Variants in DNAH3 observed in about 807,000 individuals in gnomAD.
The protein encoded by DNAH3 is dynein axonemal heavy chain 3.
Under a neutral mutation model 432.5 loss-of-function variants are expected in DNAH3, and 332 were observed. The ratio of observed to expected loss-of-function variants is 0.77; its 90% CI spans 0.70 to 0.84. The LOEUF is 0.84. Ranked by LOEUF, DNAH3 falls within the 40% of genes least tolerant of loss-of-function variation. The probability of loss-of-function intolerance (pLI) is 0.00; values close to 1 mark genes in which losing one functional copy is unlikely to be tolerated. For missense variants in DNAH3, 4,861 were observed against 5,114.0 expected, an observed-to-expected ratio of 0.95 and a Z score of 1.51; for synonymous variants, 1,956 against 1,900.2, an observed-to-expected ratio of 1.03 and a Z score of -0.76.
intron 56 of DNAH3, among the ~76,000 whole-genome samples, chr16:20,949,727 T>C (rs1005698274): frequency 6.6e-6 from 1 of 152,186 alleles, no homozygotes; most frequent in East Asian, 1.9e-4. Flanking sequence ...GCTGGAAATG[T>C]AGAGTGGGCA....
intron 31 of DNAH3, among the ~76,000 whole-genome samples, chr16:21,047,513 GT>G (rs1294809264): frequency 1.3e-5 from 2 of 151,976 alleles, no homozygotes; most frequent in Admixed American, 6.6e-5. Context: ...TCTAGCCTTG[GT>G]TTTCAGCTCC....
chr16:21,055,525 T>C (rs556672561), intron 27 of DNAH3, among the ~76,000 whole-genome samples: 1 of 152,214 alleles, frequency 6.6e-6, no homozygotes, highest in African/African-American at 2.4e-5. Flanking sequence ...TGGAAATTCT[T>C]TGTATTATAT....
At chr16:21,108,131 C>T (rs992989590) in intron 14 of DNAH3, among the ~76,000 whole-genome samples, 2 of 152,142 alleles carry the variant, frequency 1.3e-5, no homozygotes, top group African/African-American at 2.4e-5. Flanking sequence ...CTCGGCCTCC[C>T]AAAGTGCTGG....
chr16:20,984,458 A>G (rs1013332881), intron 48 of DNAH3, among the ~76,000 whole-genome samples: 1 of 152,142 alleles, frequency 6.6e-6, no homozygotes. Context: ...ACTAAACACA[A>G]TTGCTAGGTT....
At chr16:21,061,802 G>A (rs891901128) in intron 25 of DNAH3, among the ~76,000 whole-genome samples, 2 of 152,106 alleles carry the variant, frequency 1.3e-5, no homozygotes, top group African/African-American at 4.8e-5. Context: ...AACTCCATAG[G>A]GAAATTCAAA....
chr16:21,002,425 C>A (rs1209998771), intron 42 of DNAH3, among the ~76,000 whole-genome samples: 3 of 147,210 alleles, frequency 2.0e-5, no homozygotes, highest in African/African-American at 7.6e-5. Context: ...GAGAAGCACA[C>A]TGATGACTAT....
intron 28 of DNAH3, among the ~76,000 whole-genome samples, 191 bp from the exon 29 acceptor site, chr16:21,052,059 T>C (rs548874420): frequency 1.3e-5 from 2 of 152,262 alleles, no homozygotes; most frequent in East Asian, 3.9e-4. Flanking sequence ...TGGCGCGATC[T>C]CGGCTCATTG....
At chr16:21,085,591 C>T (rs1567765765) in intron 19 of DNAH3, among the ~76,000 whole-genome samples, 2 of 148,772 alleles carry the variant, frequency 1.3e-5, no homozygotes, top group Admixed American at 6.7e-5. Context: ...CTTGTCTATA[C>T]ATCACCCCAT....
chr16:20,986,031 T>G (rs1235255702), intron 47 of DNAH3, among the ~76,000 whole-genome samples: 1 of 151,934 alleles, frequency 6.6e-6, no homozygotes, highest in Non-Finnish European at 1.5e-5. Flanking sequence ...AATTTTTGTA[T>G]TTTTGTAGAG....
At chr16:21,021,704 G>A (rs1156729525) in intron 40 of DNAH3, among the ~76,000 whole-genome samples, 1 of 152,050 alleles carries the variant, frequency 6.6e-6, no homozygotes, top group Admixed American at 6.6e-5. Flanking sequence ...GAGGTCAGGA[G>A]TTCAACACCA....
chr16:21,060,182 A>C (rs560332071), intron 26 of DNAH3, 82 bp downstream of exon 26: 1 of 1,176,520 alleles, frequency 8.5e-7, no homozygotes, highest in African/African-American at 1.5e-5. Flanking sequence ...GGTCCAGCCA[A>C]ACTACTGACA....
rs555122156 is a variant in DNAH3, at chr16:20,963,218, G to A, written c.10600+66C>T. 286 of 1,463,286 alleles carry A rather than the reference G, an allele frequency of 2.0e-4. 2 individuals are homozygous for A. The South Asian group carries it at 2.0e-3, about 10-fold the overall frequency. The allele number at this position is 1,463,286 out of a possible 1,614,324, so 90.6% of individuals were successfully genotyped here. ...ACTTGAGATCCCTGCTGTAAGGGAC[G>A]GGCTACTGATATCCACCCACACATA... On this transcript the variant is annotated intron_variant, in intron 53 of 61. Transcript: ENST00000261383.
exon 3 of DNAH3, chr16:21,145,339 A>G (rs2092769643): frequency 6.2e-7 from 1 of 1,614,158 alleles, no homozygotes. Context: ...CTGTTCTTTG[A>G]AGGGTGCAGC....
intron 14 of DNAH3, among the ~76,000 whole-genome samples, chr16:21,109,514 C>T (rs2092021899): frequency 6.6e-6 from 1 of 152,068 alleles, no homozygotes; most frequent in Non-Finnish European, 1.5e-5. Flanking sequence ...ACTTATAGTA[C>T]TATAAAATGC....
chr16:20,964,997 T>G, exon 53 of DNAH3: 1 of 1,614,116 alleles, frequency 6.2e-7, no homozygotes, highest in Non-Finnish European at 8.5e-7. Context: ...CTGACCAGCT[T>G]TTGGGAGCAG....
At chr16:21,012,576 A>G (rs2087655434) in intron 41 of DNAH3, among the ~76,000 whole-genome samples, 3 of 152,226 alleles carry the variant, frequency 2.0e-5, no homozygotes, top group Admixed American at 2.0e-4. Flanking sequence ...CCTGCCAATC[A>G]GTAGTTGGCA....
chr16:21,147,128 T>A (rs1013562767), intron 1 of DNAH3, among the ~76,000 whole-genome samples: 3 of 152,136 alleles, frequency 2.0e-5, no homozygotes, highest in Admixed American at 6.5e-5. Flanking sequence ...TTTGAATATT[T>A]TTCCCCCGTG....
At chr16:21,122,104 C>T (rs747056055) in exon 10 of DNAH3, 1 of 1,611,966 alleles carries the variant, frequency 6.2e-7, no homozygotes, top group Admixed American at 1.7e-5. Context: ...CTTGGTAGGG[C>T]TCCTTAAAAT....
At chr16:21,050,117 T>C (rs2089892674) in intron 29 of DNAH3, 99 bp from the exon 30 acceptor site, 6 of 873,948 alleles carry the variant, frequency 6.9e-6, no homozygotes, top group Non-Finnish European at 7.0e-6. Flanking sequence ...TTTAGGTTAG[T>C]GCAAAAGTGA....
Sources: allele counts gnomAD v4.1 joint callset (sites outside exome capture counted in the v4.1 genomes callset), GRCh38; gene constraint gnomAD v4.1.1; transcripts MANE v1.5; gene names NCBI Gene and HGNC (gene_info 2026-07-23, HGNC 2026-07-21).